Variants in AKT3 observed in about 807,000 individuals in gnomAD.
AKT3 encodes AKT serine/threonine kinase 3, also known as RAC-gamma serine/threonine-protein kinase.
A neutral mutation model predicts 65.3 loss-of-function variants in AKT3; 15 were observed. The ratio of observed to expected loss-of-function variants is 0.23; its 90% CI spans 0.15 to 0.35. The LOEUF is 0.35. Ranked by LOEUF, AKT3 falls within the 10% of genes least tolerant of loss-of-function variation. The pLI is 1.00. For missense variants in AKT3, 243 were observed against 576.5 expected, an observed-to-expected ratio of 0.42 and a Z score of 5.92; for synonymous variants, 206 against 183.8, an observed-to-expected ratio of 1.12 and a Z score of -0.98.
intron 2 of AKT3, among the ~76,000 whole-genome samples, chr1:243,769,450 T>C (rs971452251): frequency 6.6e-6 from 1 of 152,204 alleles, no homozygotes; most frequent in African/African-American, 2.4e-5. Context: ...AATTTCTCCA[T>C]ATCCTCACCA....
intron 2 of AKT3, among the ~76,000 whole-genome samples, chr1:243,834,430 C>T (rs1694755497): frequency 6.6e-6 from 1 of 152,128 alleles, no homozygotes; most frequent in Non-Finnish European, 1.5e-5. Context: ...TACATGTTCT[C>T]ACGTGTAAAT....
rs914772056 is a variant in AKT3, at chr1:243,843,633, T to TCAGAAG, written c.-112-357_-112-352dup. ...TTAATTGCCCTAAATCCCTGTAATTTCAGAAGCAATTGTAAATTTTTTGTT... is the reference window on the plus strand; with the variant it reads ...TTAATTGCCCTAAATCCCTGTAATTTCAGAAGCAGAAGCAATTGTAAATTTTTTGTT... On this transcript the variant is annotated intron_variant, in intron 1 of 13. Transcript: ENST00000673466. 5 of 915,252 alleles carry TCAGAAG rather than the reference T, an allele frequency of 5.5e-6. No individual in the cohort carries two copies. In the African/African-American group the frequency reaches 7.2e-5, roughly 13 times the overall value. 56.7% of individuals were successfully genotyped at this position (915,252 alleles called of 1,614,324 possible). A position where few individuals can be genotyped will look rare whatever the true frequency, so the allele number is the denominator to read the frequency against.
intron 13 of AKT3, among the ~76,000 whole-genome samples, chr1:243,505,641 A>T (rs1248985936): frequency 1.3e-5 from 2 of 152,242 alleles, no homozygotes; most frequent in East Asian, 3.8e-4. Context: ...AGCAGTCTTC[A>T]GTAACCTTTC....
intron 11 of AKT3, among the ~76,000 whole-genome samples, chr1:243,546,298 C>T (rs1205672856): frequency 1.3e-5 from 2 of 152,050 alleles, no homozygotes; most frequent in Admixed American, 1.3e-4. Context: ...TCAGGTATTT[C>T]TTCATAGCAG....
chr1:243,770,326 T>C (rs1690099197), intron 2 of AKT3, among the ~76,000 whole-genome samples: 1 of 152,168 alleles, frequency 6.6e-6, no homozygotes, highest in African/African-American at 2.4e-5. Flanking sequence ...TATCCCATTA[T>C]TTAATAAACA....
chr1:243,713,160 T>G (rs1686265437), intron 2 of AKT3, among the ~76,000 whole-genome samples: 1 of 152,198 alleles, frequency 6.6e-6, no homozygotes, highest in Non-Finnish European at 1.5e-5. Context: ...ATGTATGCAT[T>G]AAGATCACAC....
At chr1:243,579,500 G>A (rs545705649) in intron 8 of AKT3, among the ~76,000 whole-genome samples, 16 of 152,176 alleles carry the variant, frequency 1.1e-4, no homozygotes, top group Non-Finnish European at 1.3e-4. Flanking sequence ...AACATTTGCT[G>A]TACTTAGGAA....
At chr1:243,802,523 A>C (rs139647634) in intron 2 of AKT3, among the ~76,000 whole-genome samples, 31 of 152,282 alleles carry the variant, frequency 2.0e-4, no homozygotes, top group African/African-American at 7.2e-4. Context: ...TGTTGTTCTT[A>C]AAGTTTAGCA....
intron 8 of AKT3, among the ~76,000 whole-genome samples, chr1:243,583,798 A>T (rs1332588920): frequency 6.6e-6 from 1 of 152,110 alleles, no homozygotes; most frequent in African/African-American, 2.4e-5. Context: ...ACACACCAAA[A>T]TTCCAGGGAC....
At chr1:243,754,367 T>C (rs550815678) in intron 2 of AKT3, among the ~76,000 whole-genome samples, 19 of 152,358 alleles carry the variant, frequency 1.2e-4, no homozygotes, top group Admixed American at 2.6e-4. Context: ...GATTTTACTG[T>C]GAGCAGTGGT....
chr1:243,602,379 ATAGT>A (rs1026193167), intron 8 of AKT3, among the ~76,000 whole-genome samples: 6 of 152,176 alleles, frequency 3.9e-5, no homozygotes, highest in Non-Finnish European at 7.4e-5. Flanking sequence ...AATAACTAAA[ATAGT>A]TAGCAAAGAA....
At chr1:243,640,204 T>A (rs1441599682) in intron 5 of AKT3, among the ~76,000 whole-genome samples, 1 of 152,170 alleles carries the variant, frequency 6.6e-6, no homozygotes, top group African/African-American at 2.4e-5. Context: ...AAATATCAAA[T>A]ATAGTAAATC....
chr1:243,688,991 G>A (rs1217352099), intron 3 of AKT3, among the ~76,000 whole-genome samples: 1 of 152,038 alleles, frequency 6.6e-6, no homozygotes, highest in Non-Finnish European at 1.5e-5. Context: ...CTTCTTCAGG[G>A]CTCATGTTAA....
At chr1:243,687,151 T>C (rs929966042) in intron 3 of AKT3, among the ~76,000 whole-genome samples, 2 of 152,170 alleles carry the variant, frequency 1.3e-5, no homozygotes, top group Non-Finnish European at 2.9e-5. Context: ...TGTTCCAGTA[T>C]ACCAGATATT....
At chr1:243,626,567 G>A (rs1026374462) in intron 6 of AKT3, among the ~76,000 whole-genome samples, 5 of 152,074 alleles carry the variant, frequency 3.3e-5, no homozygotes, top group Non-Finnish European at 7.4e-5. Context: ...ACAGAACCAG[G>A]GCTTTCTTTT....
At chr1:243,553,875 A>G (rs984099053) in intron 10 of AKT3, among the ~76,000 whole-genome samples, 1 of 152,150 alleles carries the variant, frequency 6.6e-6, no homozygotes, top group African/African-American at 2.4e-5. Context: ...TTTATTTTAA[A>G]ACTATATTTG....
At chr1:243,845,599 A>AAAAAAAAAAAAAG (rs1056722848) in intron 1 of AKT3, among the ~76,000 whole-genome samples, 8 of 146,622 alleles carry the variant, frequency 5.5e-5, no homozygotes, top group Admixed American at 2.7e-4. Context: ...AAAAAAAAAA[A>AAAAAAAAAAAAAG]AAAAGAAAAG....
chr1:243,767,611 T>C (rs1022575619), intron 2 of AKT3, among the ~76,000 whole-genome samples: 2 of 152,082 alleles, frequency 1.3e-5, no homozygotes, highest in Non-Finnish European at 2.9e-5. Context: ...TACCCAATAG[T>C]ATATATTTTT....
Position 243,830,429 on chromosome 1 carries a change from A to G in AKT3, c.46+12696T>C, listed in dbSNP as rs557395739. Among the ~76,000 whole-genome samples, 83 of 152,334 alleles carry G rather than the reference A, an allele frequency of 5.4e-4. 2 individuals are homozygous for G. The South Asian group carries it at 0.017, about 31-fold the overall frequency. On this transcript the variant is annotated intron_variant, in intron 2 of 13. Transcript: ENST00000673466. Reference sequence around the variant, plus strand: ...CTGCAAACCGTGTCTTATAATAATTATAAACATAATAAAGAATTGAGAGCA... The same window carrying G: ...CTGCAAACCGTGTCTTATAATAATTGTAAACATAATAAAGAATTGAGAGCA...
Sources: gnomAD v4.1 joint callset for allele counts (sites outside exome capture counted in the v4.1 genomes callset) on GRCh38, gnomAD v4.1.1 for gene constraint, MANE v1.5 for transcripts, NCBI Gene and HGNC (gene_info 2026-07-23, HGNC 2026-07-21) for gene names.